The following USP26 variants were observed in gnomAD, a reference collection of about 807,000 sequenced individuals.
USP26 encodes the protein ubiquitin specific peptidase 26.
For synonymous variants in USP26, 236 were observed against 240.6 expected (o/e 0.98, Z 0.18); for missense variants, 649 against 642.3 (o/e 1.01, Z -0.11).
intron 5 of USP26, among the ~76,000 whole-genome samples, chrX:133,029,086 T>C (rs112649030): frequency 0.034 from 3,866 of 112,517 alleles, 96 homozygotes; most frequent in East Asian, 0.1. Context: ...TGTACTTAAT[T>C]ATTGAAAATC....
chrX:133,036,164 T>A (rs902219212), intron 5 of USP26, among the ~76,000 whole-genome samples: 1 of 109,335 alleles, frequency 9.1e-6, no homozygotes, highest in Non-Finnish European at 1.9e-5. Context: ...CTCATTTTTT[T>A]AAGGTTTTTT....
intron 5 of USP26, among the ~76,000 whole-genome samples, chrX:133,080,579 C>T (rs2067566637): frequency 9.0e-6 from 1 of 111,112 alleles, no homozygotes; most frequent in East Asian, 2.8e-4. Context: ...GATGCCACCT[C>T]TCCCCAGAAC....
Position 133,066,837 on chromosome X carries a change from C to T in USP26, c.-77+16870G>A, listed in dbSNP as rs767961075. ...GGGCAAAGACTTCATGAATAAAACA[C>T]CAAAAGCAACTGCAACAAAAGCCAG... On this transcript the variant is annotated intron_variant, in intron 5 of 5. Coordinates refer to ENST00000511190, the MANE Select transcript of USP26 (RefSeq NM_031907.3). Among the ~76,000 whole-genome samples, 8 of 111,841 alleles carry T rather than the reference C, an allele frequency of 7.2e-5. No homozygotes were observed. The East Asian group carries it at 1.1e-3, about 16-fold the overall frequency.
In USP26 at chrX:133,025,367, T is replaced by C. The variant is rs2067341091; in HGVS notation, c.*112A>G. ...AGTGTTTCTGTTTGACCTTTGGTCC[T>C]AGACTAATTGCATTTTCATCTCTGG... On this transcript the variant is annotated 3_prime_UTR_variant, in exon 6 of 6. Coordinates refer to ENST00000511190, the MANE Select transcript of USP26 (RefSeq NM_031907.3). The C allele has an allele frequency of 2.6e-6, 3 of 1,137,950 alleles. No homozygotes were observed. The highest frequency in any genetic ancestry group is 3.5e-6 in the Non-Finnish European group (3 of 847,872). The allele number at this position is 1,137,950 out of a possible 1,213,427, so 93.8% of individuals were successfully genotyped here. A position where few individuals can be genotyped will look rare whatever the true frequency, so the allele number is the denominator to read the frequency against.
intron 5 of USP26, among the ~76,000 whole-genome samples, chrX:133,081,094 G>A (rs2067568613): frequency 9.0e-6 from 1 of 110,627 alleles, no homozygotes; most frequent in Non-Finnish European, 1.9e-5. Flanking sequence ...GGTTTTCTGT[G>A]AACTCATGAA....
At chrX:133,050,376 C>G (rs2067454879) in intron 5 of USP26, among the ~76,000 whole-genome samples, 2 of 111,828 alleles carry the variant, frequency 1.8e-5, no homozygotes, top group Non-Finnish European at 3.8e-5. Flanking sequence ...AGAGGCAATG[C>G]ATTTTAACCA....
chrX:133,062,678 G>A (rs143381221), intron 5 of USP26, among the ~76,000 whole-genome samples: 1,252 of 111,187 alleles, frequency 0.011, 7 homozygotes, highest in South Asian at 0.046. Context: ...GCCTGTTAGA[G>A]GAAAAACTAA....
At chrX:133,063,039 C>A (rs1224406645) in intron 5 of USP26, among the ~76,000 whole-genome samples, 2 of 111,053 alleles carry the variant, frequency 1.8e-5, no homozygotes, top group Non-Finnish European at 3.8e-5. Flanking sequence ...CAAAAATGAC[C>A]TGATGGAGCT....
chrX:133,058,407 C>T (rs1289576059), intron 5 of USP26, among the ~76,000 whole-genome samples: 1 of 111,632 alleles, frequency 9.0e-6, no homozygotes, highest in Non-Finnish European at 1.9e-5. Context: ...TAGTGGAGGT[C>T]TATTCTTCTT....
rs750877810 is a variant in USP26 at position 133,027,908 on chromosome X, C to T, written c.313G>A (p.Glu105Lys). The change falls in exon 6 of 6, where the codon GAG becomes AAG. Residue 105 changes from glutamate (E) to lysine (K), a missense_variant. Physicochemically the swap from Glu to Lys is moderately conservative, Grantham distance 56. Coordinates refer to ENST00000511190, the MANE Select transcript of USP26 (RefSeq NM_031907.3). Reference sequence around the variant, plus strand: ...CCAGGTCTCACAGGTGGCTGAACCTCGTTTTGATGAACTCTGTCCAAGAAT... The same window carrying T: ...CCAGGTCTCACAGGTGGCTGAACCTTGTTTTGATGAACTCTGTCCAAGAAT... ...KIFLDRVHQNEVQPPVRPGKG... is the reference protein window; with the variant it reads ...KIFLDRVHQNKVQPPVRPGKG... 5.8e-6 allele frequency: 7 copies of T among 1,209,032 alleles called. No individual in the cohort carries two copies. The East Asian group carries it at 2.1e-4, about 36-fold the overall frequency.
intron 5 of USP26, among the ~76,000 whole-genome samples, chrX:133,057,866 A>ATATATATATATATATATATATCTATTTTT (rs1412413450): frequency 1.1e-4 from 1 of 9,329 alleles, no homozygotes; most frequent in Non-Finnish European, 1.6e-4. Flanking sequence ...ATATATATAT[A>ATATATATATATATATATATATCTATTTTT]TTTTTTTTTT....
At chrX:133,035,700 C>T (rs2067393855) in intron 5 of USP26, among the ~76,000 whole-genome samples, 2 of 111,768 alleles carry the variant, frequency 1.8e-5, no homozygotes, top group African/African-American at 3.3e-5. Flanking sequence ...CTTTCTTTCC[C>T]TTGTCTTTTC....
At chrX:133,061,744 T>C (rs1448475230) in intron 5 of USP26, among the ~76,000 whole-genome samples, 1 of 111,689 alleles carries the variant, frequency 9.0e-6, no homozygotes, top group East Asian at 2.8e-4. Context: ...TGAGGGACTT[T>C]GCTATCCAGC....
chrX:133,081,897 C>T (rs766098477), intron 5 of USP26, among the ~76,000 whole-genome samples: 1 of 112,140 alleles, frequency 8.9e-6, no homozygotes, highest in Non-Finnish European at 1.9e-5. Flanking sequence ...CTGGACATTT[C>T]TTTTGAATGC....
chrX:133,051,669 G>T (rs1004638156), intron 5 of USP26, among the ~76,000 whole-genome samples: 1 of 112,200 alleles, frequency 8.9e-6, no homozygotes, highest in Admixed American at 9.4e-5. Context: ...TGTGGAGCTA[G>T]CTACTACACA....
chrX:133,077,034 C>G (rs746113557), intron 5 of USP26, among the ~76,000 whole-genome samples: 1 of 112,233 alleles, frequency 8.9e-6, no homozygotes, highest in South Asian at 3.8e-4. Flanking sequence ...GGGACAGCCT[C>G]CTGTAGCAAT....
chrX:133,074,540 AAATTGTATGTGGCAC>A (rs1270982089), intron 5 of USP26, among the ~76,000 whole-genome samples: 1 of 112,467 alleles, frequency 8.9e-6, no homozygotes, highest in African/African-American at 3.2e-5. Flanking sequence ...TCAGGAAAGA[AAATTGTATGTGGCAC>A]AACAAACAGC....
intron 4 of USP26, among the ~76,000 whole-genome samples, chrX:133,087,218 A>G (rs1457479494): frequency 8.9e-6 from 1 of 111,876 alleles, no homozygotes; most frequent in African/African-American, 3.2e-5. Context: ...TTTTGCTTCA[A>G]AAGTTGCAGT....
At chrX:133,032,883 A>T (rs2067382945) in intron 5 of USP26, among the ~76,000 whole-genome samples, 1 of 111,623 alleles carries the variant, frequency 9.0e-6, no homozygotes, top group Non-Finnish European at 1.9e-5. Context: ...CTACAATTCC[A>T]TCCCCTGATT....
Sources: allele counts gnomAD v4.1 joint callset (sites outside exome capture counted in the v4.1 genomes callset), GRCh38; gene constraint gnomAD v4.1.1; transcripts MANE v1.5; gene names NCBI Gene and HGNC (gene_info 2026-07-23, HGNC 2026-07-21).